The following RNMT variants were observed in gnomAD, a reference collection of about 807,000 sequenced individuals.
RNMT encodes RNA guanine-7 methyltransferase, also known as mRNA cap guanine-N(7) methyltransferase.
RNMT carries 27 observed loss-of-function variants against 56.0 expected under a neutral mutation model. The observed-to-expected ratio is 0.48, with a 90% confidence interval of 0.36 to 0.67. The LOEUF (loss-of-function observed/expected upper bound fraction) is 0.67, where lower values mean the gene tolerates loss of function less well. Among genes scored for constraint, RNMT ranks in the 30% least tolerant of loss-of-function variants. The probability of loss-of-function intolerance (pLI) is 0.00; values close to 1 mark genes in which losing one functional copy is unlikely to be tolerated. For synonymous variants in RNMT, 184 were observed against 176.2 expected, an observed-to-expected ratio of 1.04 and a Z score of -0.35; for missense variants, 519 against 552.1, an observed-to-expected ratio of 0.94 and a Z score of 0.60.
In RNMT at chr18:13,760,147, G is replaced by T; in HGVS notation, c.*168G>T. 1.5e-6 allele frequency: 2 copies of T among 1,343,760 alleles called. No individual in the cohort carries two copies. Among genetic ancestry groups the T allele is most frequent in the East Asian group, 2.8e-5 (1 of 36,072 alleles). The allele number at this position is 1,343,760 out of a possible 1,614,324, so 83.2% of individuals were successfully genotyped here. On this transcript the variant is annotated 3_prime_UTR_variant, in exon 12 of 12. Coordinates refer to ENST00000383314, the MANE Select transcript of RNMT (RefSeq NM_003799.3). ...TCAACATTTGCTGTCTGTGACAGATGAACTTTTGCATGTGTATATAAGAAT... is the reference window on the plus strand; with the variant it reads ...TCAACATTTGCTGTCTGTGACAGATTAACTTTTGCATGTGTATATAAGAAT...
At chr18:13,748,399 A>G (rs2044386014) in intron 9 of RNMT, among the ~76,000 whole-genome samples, 1 of 152,244 alleles carries the variant, frequency 6.6e-6, no homozygotes, top group East Asian at 1.9e-4. Context: ...AGGAAAGGAC[A>G]TGACCAGATA....
In RNMT at chr18:13,761,032, C is replaced by G. The variant is rs1430863885; in HGVS notation, c.*1053C>G. The G allele has an allele frequency of 2.0e-6, 2 of 985,292 alleles. No homozygotes were observed. The highest frequency in any genetic ancestry group is 1.7e-5 in the African/African-American group (1 of 57,350). 61.0% of individuals were successfully genotyped at this position (985,292 alleles called of 1,614,324 possible). On this transcript the variant is annotated 3_prime_UTR_variant, in exon 12 of 12. Coordinates refer to ENST00000383314, the MANE Select transcript of RNMT (RefSeq NM_003799.3). ...TAGATGTAGATGTAGTGAAAAACTT[C>G]AAGAATGAAGCAGAGCAATTGAGTA...
chr18:13,742,397 G>T, intron 7 of RNMT, 91 bp from the exon 8 acceptor site: 2 of 1,116,034 alleles, frequency 1.8e-6, no homozygotes, highest in Non-Finnish European at 2.6e-6. Context: ...TGTGCATCAT[G>T]TAGTTTTTCA....
At position 13,743,335 on chromosome 18, in the gene RNMT, AATAAATAAAT is replaced by A. The variant is rs1568505784; in HGVS notation, c.1139+685_1139+694del. Among the ~76,000 whole-genome samples, 136 of 100,538 alleles carry A rather than the reference AATAAATAAAT, an allele frequency of 1.4e-3. 4 individuals are homozygous for A. Among genetic ancestry groups the A allele is most frequent in the Admixed American group, 4.1e-3 (46 of 11,254 alleles). 66.0% of individuals were successfully genotyped at this position (100,538 alleles called of 152,430 possible). ...GAAACTCCGTCTCAAAAAAAAAATA[AATAAATAAAT>A]AAATAAATAAATAAATAAATAAATA... On this transcript the variant is annotated intron_variant, in intron 8 of 11. Transcript: ENST00000383314.
At chr18:13,734,368 C>A in intron 3 of RNMT, 96 bp from the exon 4 acceptor site, 1 of 1,100,672 alleles carries the variant, frequency 9.1e-7, no homozygotes, top group Non-Finnish European at 1.3e-6. Context: ...TTTACCAATT[C>A]TAATAGCATT....
chr18:13,740,317 T>C (rs985982960), intron 6 of RNMT, 38 bp downstream of exon 6: 2 of 1,088,766 alleles, frequency 1.8e-6, no homozygotes, highest in African/African-American at 3.2e-5. Context: ...TTTTTTACAT[T>C]TTTAGTTTGG....
intron 7 of RNMT, among the ~76,000 whole-genome samples, chr18:13,742,245 G>T (rs967107550): frequency 2.6e-5 from 4 of 151,820 alleles, no homozygotes; most frequent in African/African-American, 9.7e-5. Flanking sequence ...TGAGGCAGGA[G>T]GATCACTTGA....
rs1222165715 is a variant in RNMT at position 13,761,718 on chromosome 18, C to T, written c.*1739C>T. On this transcript the variant is annotated 3_prime_UTR_variant, in exon 12 of 12. Transcript: ENST00000383314. ...CTGAGAAGATGCTCTGGGGACTGAG[C>T]CCACTGTTGTTGGTGTCAGGGAGGC... The T allele has an allele frequency of 1.8e-6, 2 of 1,126,044 alleles. No individual in the cohort carries two copies. The highest frequency in any genetic ancestry group is 2.2e-6 in the Non-Finnish European group (2 of 916,248). The allele number at this position is 1,126,044 out of a possible 1,614,324, so 69.8% of individuals were successfully genotyped here.
chr18:13,734,391 A>T, intron 3 of RNMT, 73 bp from the exon 4 acceptor site: 5 of 1,346,418 alleles, frequency 3.7e-6, no homozygotes, highest in Non-Finnish European at 5.1e-6. Context: ...ATCCATTCAC[A>T]GGTCAAATGT....
rs2044620988 is a variant in RNMT at position 13,761,614 on chromosome 18, AAT to A, written c.*1637_*1638del. 1.0e-6 allele frequency: 1 copy of A among 998,264 alleles called. No homozygotes were observed. The highest frequency in any genetic ancestry group is 1.2e-6 in the Non-Finnish European group (1 of 837,496). 61.8% of individuals were successfully genotyped at this position (998,264 alleles called of 1,614,324 possible). A position where few individuals can be genotyped will look rare whatever the true frequency, so the allele number is the denominator to read the frequency against. ...TCCAAACGATGGAGTAGCCAGTGGT[AAT>A]ACAAAGCAGGGAGAACAGAAAGGTA... is the stretch of plus-strand genomic sequence containing the variant. On this transcript the variant is annotated 3_prime_UTR_variant, in exon 12 of 12. Coordinates refer to ENST00000383314, the MANE Select transcript of RNMT (RefSeq NM_003799.3).
chr18:13,755,354 G>A (rs1568514901), intron 11 of RNMT, among the ~76,000 whole-genome samples: 1 of 152,228 alleles, frequency 6.6e-6, no homozygotes, highest in Non-Finnish European at 1.5e-5. Flanking sequence ...GCAGGTGCGT[G>A]TAACGTTTTT....
chr18:13,749,603 CAAAGAATTAT>C lies in RNMT; in HGVS notation c.1258-2709_1258-2700del, dbSNP rs552104683. On this transcript the variant is annotated intron_variant, in intron 9 of 11. Coordinates refer to ENST00000383314, the MANE Select transcript of RNMT (RefSeq NM_003799.3). Reference sequence around the variant, plus strand: ...TTCTAGCTGGTTTGTTGCAATAAGACAAAGAATTATAAAGAATTATAAATGAATTATTAAA... The same window carrying C: ...TTCTAGCTGGTTTGTTGCAATAAGACAAAGAATTATAAATGAATTATTAAA... Among the ~76,000 whole-genome samples, 706 of 152,018 alleles carry C rather than the reference CAAAGAATTAT, an allele frequency of 4.6e-3. 1 individual carries two copies. Among genetic ancestry groups the C allele is most frequent in the Middle Eastern group, 0.024 (7 of 294 alleles).
rs905733067 is a variant in RNMT, at chr18:13,740,162, T to A, written c.680-5T>A. The A allele has an allele frequency of 1.9e-6, 3 of 1,574,378 alleles. No individual in the cohort carries two copies. The highest frequency in any genetic ancestry group is 2.6e-6 in the Non-Finnish European group (3 of 1,144,388). ...ATACTTACTAATACCCTTCCATCCT[T>A]CCAGATATTGCCGATGTTTCTGTCA... is the stretch of plus-strand genomic sequence containing the variant. On this transcript the variant is annotated splice_polypyrimidine_tract_variant and splice_region_variant and intron_variant, in intron 5 of 11. Coordinates refer to ENST00000383314, the MANE Select transcript of RNMT (RefSeq NM_003799.3).
intron 6 of RNMT, 84 bp downstream of exon 6, chr18:13,740,363 A>C: frequency 1.3e-6 from 1 of 798,502 alleles, no homozygotes; most frequent in Non-Finnish European, 2.0e-6. Context: ...CTCAATTTTT[A>C]CTTTTTTAAA....
At position 13,760,219 on chromosome 18, in the gene RNMT, A is replaced by G. The variant is rs972001098; in HGVS notation, c.*240A>G. 3.4e-5 allele frequency: 42 copies of G among 1,222,892 alleles called. No homozygotes were observed. The highest frequency in any genetic ancestry group is 4.2e-5 in the Non-Finnish European group (41 of 979,516). 75.8% of individuals were successfully genotyped at this position (1,222,892 alleles called of 1,614,324 possible). A position where few individuals can be genotyped will look rare whatever the true frequency, so the allele number is the denominator to read the frequency against. Reference sequence around the variant, plus strand: ...AAAATCTATTTTTAGGTAATGTTCTAAGAATTCCATTTGCCTCTATGATCT... The same window carrying G: ...AAAATCTATTTTTAGGTAATGTTCTGAGAATTCCATTTGCCTCTATGATCT... On this transcript the variant is annotated 3_prime_UTR_variant, in exon 12 of 12. Coordinates refer to ENST00000383314, the MANE Select transcript of RNMT (RefSeq NM_003799.3).
chr18:13,733,654 A>G (rs2044112502), intron 3 of RNMT, among the ~76,000 whole-genome samples: 1 of 152,224 alleles, frequency 6.6e-6, no homozygotes, highest in Non-Finnish European at 1.5e-5. Flanking sequence ...CTGGGATTAT[A>G]GGTATGAGCC....
At chr18:13,755,657 A>G (rs2044530025) in intron 11 of RNMT, among the ~76,000 whole-genome samples, 1 of 152,226 alleles carries the variant, frequency 6.6e-6, no homozygotes, top group Admixed American at 6.5e-5. Context: ...TACTATTACT[A>G]GAAATCGGAC....
intron 1 of RNMT, among the ~76,000 whole-genome samples, chr18:13,727,459 C>T (rs2149076814): frequency 6.6e-6 from 1 of 152,104 alleles, no homozygotes; most frequent in East Asian, 1.9e-4. Flanking sequence ...GGTTTTTTTT[C>T]CCCCAATTTG....
At chr18:13,741,744 A>G in intron 7 of RNMT, 53 bp downstream of exon 7, 1 of 1,160,196 alleles carries the variant, frequency 8.6e-7, no homozygotes, top group South Asian at 1.7e-5. Flanking sequence ...ATTAAGTAGC[A>G]AATGTTTATC....
Sources: allele counts gnomAD v4.1 joint callset (sites outside exome capture counted in the v4.1 genomes callset), GRCh38; gene constraint gnomAD v4.1.1; transcripts MANE v1.5; gene names NCBI Gene and HGNC (gene_info 2026-07-23, HGNC 2026-07-21).